The following CFAP54 variants were observed in gnomAD, a reference collection of about 807,000 sequenced individuals.
CFAP54 encodes the protein cilia- and flagella-associated protein 54.
Under a neutral mutation model 370.4 loss-of-function variants are expected in CFAP54, and 290 were observed. That is an observed-to-expected ratio of 0.78 (90% confidence interval 0.71 to 0.86). CFAP54 has a LOEUF of 0.86. Ranked by LOEUF, CFAP54 falls within the 40% of genes least tolerant of loss-of-function variation. The pLI, the probability that CFAP54 is intolerant of heterozygous loss-of-function variation, is 0.00. For synonymous variants in CFAP54, 1,206 were observed against 1,236.5 expected, an observed-to-expected ratio of 0.98 and a Z score of 0.52; for missense variants, 3,399 against 3,528.7, an observed-to-expected ratio of 0.96 and a Z score of 0.93.
At chr12:96,529,746 T>C (rs1342006262) in intron 9 of CFAP54, among the ~76,000 whole-genome samples, 1 of 152,190 alleles carries the variant, frequency 6.6e-6, no homozygotes, top group African/African-American at 2.4e-5. Context: ...ATTGAATACA[T>C]GTATTGCAAA....
intron 13 of CFAP54, among the ~76,000 whole-genome samples, chr12:96,539,169 T>G (rs1224312577): frequency 6.7e-6 from 1 of 149,432 alleles, no homozygotes; most frequent in Non-Finnish European, 1.5e-5. Context: ...CAAGCGATTC[T>G]CCTGCCTCAG....
chr12:96,742,297 G>A (rs1958060233), intron 51 of CFAP54, 142 bp from the exon 52 acceptor site: 1 of 584,256 alleles, frequency 1.7e-6, no homozygotes, highest in African/African-American at 1.9e-5. Flanking sequence ...TTTATAGAAT[G>A]TGCAAGAATC....
At chr12:96,591,761 C>G (rs1341454671) in intron 23 of CFAP54, among the ~76,000 whole-genome samples, 6 of 149,378 alleles carry the variant, frequency 4.0e-5, no homozygotes, top group African/African-American at 1.2e-4. Context: ...CATGGTGGCG[C>G]GTGCCTGTAG....
At chr12:96,513,463 G>A (rs1021032699) in intron 5 of CFAP54, among the ~76,000 whole-genome samples, 1 of 152,128 alleles carries the variant, frequency 6.6e-6, no homozygotes. Flanking sequence ...GGCCTGGGCC[G>A]GGTGCAGTAG....
chr12:96,644,425 A>G lies in CFAP54; in HGVS notation c.4547+17A>G, dbSNP rs1206663776. 2 of 1,461,734 alleles carry G rather than the reference A, an allele frequency of 1.4e-6. No individual in the cohort carries two copies. Among genetic ancestry groups the G allele is most frequent in the South Asian group, 2.4e-5 (2 of 82,126 alleles). The allele number at this position is 1,461,734 out of a possible 1,614,324, so 90.5% of individuals were successfully genotyped here. The stretch of plus-strand genomic sequence containing the variant: ...GATGGTCAGGTATAGTATATTACTG[A>G]TGAAAAATACTTTTTTAGTTTCATG... On this transcript the variant is annotated intron_variant, in intron 33 of 67. Coordinates refer to ENST00000524981, the MANE Select transcript of CFAP54 (RefSeq NM_001306084.2).
rs1955631455 is a variant in CFAP54, at chr12:96,545,578, G to A, written c.2078-2324G>A. On this transcript the variant is annotated intron_variant, in intron 14 of 67. Coordinates refer to ENST00000524981, the MANE Select transcript of CFAP54 (RefSeq NM_001306084.2). ...CCTGTTAATCCATTAGTCTATGAAT[G>A]AGTTAACCTATTCATGTGAGGAGAG... is the stretch of plus-strand genomic sequence containing the variant. Among the ~76,000 whole-genome samples the A allele has an allele frequency of 2.0e-5, 3 of 152,154 alleles. No homozygotes were observed. In the South Asian group the frequency reaches 6.2e-4, roughly 32 times the overall value.
At chr12:96,517,106 C>G (rs1320841532) in intron 5 of CFAP54, among the ~76,000 whole-genome samples, 5 of 151,068 alleles carry the variant, frequency 3.3e-5, no homozygotes, top group African/African-American at 1.2e-4. Context: ...GAAAAAAATG[C>G]TACAAATTGA....
At chr12:96,777,225 C>T (rs1167234342) in intron 60 of CFAP54, among the ~76,000 whole-genome samples, 1 of 152,142 alleles carries the variant, frequency 6.6e-6, no homozygotes, top group East Asian at 1.9e-4. Flanking sequence ...CATTGCACTT[C>T]AGTATGCAGC....
intron 66 of CFAP54, among the ~76,000 whole-genome samples, chr12:96,850,145 G>A (rs1232961361): frequency 6.6e-6 from 1 of 151,178 alleles, no homozygotes; most frequent in African/African-American, 2.4e-5. Flanking sequence ...TTGGGAGGCC[G>A]AGGCGGGCAG....
chr12:96,671,393 T>C (rs1957144385), intron 39 of CFAP54, among the ~76,000 whole-genome samples: 1 of 152,182 alleles, frequency 6.6e-6, no homozygotes, highest in Non-Finnish European at 1.5e-5. Context: ...TTTAGGGGTT[T>C]TTTTTGTGTG....
chr12:96,495,761 T>A (rs1201731058), intron 1 of CFAP54, among the ~76,000 whole-genome samples: 2 of 152,130 alleles, frequency 1.3e-5, no homozygotes, highest in Non-Finnish European at 2.9e-5. Context: ...CTATTCCCAA[T>A]GAGCAGCCTT....
intron 17 of CFAP54, among the ~76,000 whole-genome samples, chr12:96,555,203 TA>T (rs1348178105): frequency 3.3e-5 from 5 of 152,000 alleles, no homozygotes; most frequent in African/African-American, 1.2e-4. Flanking sequence ...CATTTTGTAA[TA>T]GGGGTGGGCT....
intron 26 of CFAP54, among the ~76,000 whole-genome samples, chr12:96,621,332 G>T (rs1956484872): frequency 1.3e-5 from 2 of 152,158 alleles, no homozygotes; most frequent in Non-Finnish European, 2.9e-5. Context: ...TGGCTGTGTG[G>T]CCCAGAGATA....
chr12:96,621,653 T>G lies in CFAP54; in HGVS notation c.3703T>G (p.Leu1235Val), dbSNP rs1453004785. The G allele has an allele frequency of 6.5e-7, 1 of 1,527,098 alleles. No individual in the cohort carries two copies. The highest frequency in any genetic ancestry group is 8.8e-7 in the Non-Finnish European group (1 of 1,140,642). The allele number at this position is 1,527,098 out of a possible 1,614,324, so 94.6% of individuals were successfully genotyped here. ...VMIINYGKKM[L>V]DITPGCKSLF... ...GATTATAAATTATGGGAAAAAAATG[T>G]TGGACATCACACCAGGATGCAAGTC... Residue 1235 changes from leucine (L) to valine (V), a missense_variant, in exon 27 of 68, where the codon TTG (leucine) becomes GTG (valine). Coordinates refer to ENST00000524981, the MANE Select transcript of CFAP54 (RefSeq NM_001306084.2).
rs149396076 is a variant in CFAP54 at position 96,642,386 on chromosome 12, A to G, written c.4317-1792A>G. On this transcript the variant is annotated intron_variant, in intron 32 of 67. Coordinates refer to ENST00000524981, the MANE Select transcript of CFAP54 (RefSeq NM_001306084.2). ...TGGCTTTGCTTCCAGGTCCTCTCAA[A>G]AGGCTGAGCTGGGAAATGTATTTGT... Among the ~76,000 whole-genome samples, 215 of 152,318 alleles carry G rather than the reference A, an allele frequency of 1.4e-3. 2 individuals are homozygous for G. Among genetic ancestry groups the G allele is most frequent in the Non-Finnish European group, 2.0e-3 (135 of 68,030 alleles).
intron 67 of CFAP54, among the ~76,000 whole-genome samples, chr12:96,870,617 A>T (rs972774383): frequency 6.6e-6 from 1 of 152,230 alleles, no homozygotes; most frequent in Non-Finnish European, 1.5e-5. Flanking sequence ...ATTATTACAT[A>T]CATCTTCGGG....
At chr12:96,862,670 G>T (rs118047513) in intron 67 of CFAP54, among the ~76,000 whole-genome samples, 1,550 of 152,286 alleles carry the variant, frequency 0.01, 8 homozygotes, top group Non-Finnish European at 0.015. Context: ...ATTTACTCAT[G>T]AATTCAAAGG....
intron 9 of CFAP54, among the ~76,000 whole-genome samples, chr12:96,527,757 C>T (rs1039069930): frequency 1.3e-5 from 2 of 151,806 alleles, no homozygotes; most frequent in Non-Finnish European, 2.9e-5. Flanking sequence ...TTTGTAGAGA[C>T]GGGGTCTCAC....
intron 50 of CFAP54, among the ~76,000 whole-genome samples, chr12:96,733,782 G>A (rs1321629127): frequency 6.6e-6 from 1 of 152,048 alleles, no homozygotes; most frequent in Non-Finnish European, 1.5e-5. Flanking sequence ...AGGACATACT[G>A]GTATGTCTTA....
Sources: gnomAD v4.1 joint callset for allele counts (sites outside exome capture counted in the v4.1 genomes callset) on GRCh38, gnomAD v4.1.1 for gene constraint, MANE v1.5 for transcripts, NCBI Gene and HGNC (gene_info 2026-07-23, HGNC 2026-07-21) for gene names.